IKBKB: variants seen among roughly 807,000 people sequenced by gnomAD.
The protein encoded by IKBKB is inhibitor of nuclear factor kappa B kinase subunit beta.
Under a neutral mutation model 113.6 loss-of-function variants are expected in IKBKB, and 42 were observed. The observed-to-expected ratio is 0.37, with a 90% CI of 0.29 to 0.48. The LOEUF (loss-of-function observed/expected upper bound fraction) is 0.48. IKBKB is among the 20% of genes least tolerant of loss of function. The pLI, the probability that IKBKB is intolerant of heterozygous loss-of-function variation, is 0.99. For missense variants in IKBKB, 673 were observed against 939.7 expected, an observed-to-expected ratio of 0.72 and a Z score of 3.71; for synonymous variants, 296 against 361.3, an observed-to-expected ratio of 0.82 and a Z score of 2.05.
At chr8:42,328,190 G>A (rs778497156) in intron 20 of IKBKB, among the ~76,000 whole-genome samples, 9 of 143,766 alleles carry the variant, frequency 6.3e-5, no homozygotes, top group East Asian at 2.1e-4. Flanking sequence ...TGGGTGATCC[G>A]CCCGCCTTGG....
In IKBKB at chr8:42,305,105, C is replaced by T. The variant is rs114191796; in HGVS notation, c.389-82C>T. 8.9e-5 allele frequency: 80 copies of T among 897,522 alleles called. No homozygotes were observed. In the African/African-American group the frequency reaches 1.2e-3, roughly 13 times the overall value. The allele number at this position is 897,522 out of a possible 1,614,324, so 55.6% of individuals were successfully genotyped here. On this transcript the variant is annotated intron_variant, in intron 5 of 21. Transcript: ENST00000520810. The stretch of plus-strand genomic sequence containing the variant: ...CAGAGTATGTTTCAGGGGCATGCGG[C>T]ATTTATCTTTTGCAGGATAGGAGAT...
intron 2 of IKBKB, among the ~76,000 whole-genome samples, chr8:42,286,904 C>T (rs1237056499): frequency 6.6e-6 from 1 of 152,124 alleles, no homozygotes; most frequent in Non-Finnish European, 1.5e-5. Context: ...TGGCTCTTGC[C>T]CAGGTGTGTG....
At position 42,316,360 on chromosome 8, in the gene IKBKB, G is replaced by C. The variant is rs766305242; in HGVS notation, c.930+21G>C. 1.2e-6 allele frequency: 2 copies of C among 1,613,910 alleles called. No individual in the cohort carries two copies. Among genetic ancestry groups the C allele is most frequent in the Non-Finnish European group, 1.7e-6 (2 of 1,179,868 alleles). On this transcript the variant is annotated intron_variant, in intron 10 of 21. Transcript: ENST00000520810. The surrounding 1 kb of genome is among the most constrained non-coding windows in gnomAD (Gnocchi z 4.5). ...TAAAGGTGAGTGTGGAGCCAAGTTA[G>C]CCCTGAGGCAAAAGCTGGGGTCCCC...
At chr8:42,298,275 C>T in intron 5 of IKBKB, 1 of 985,408 alleles carries the variant, frequency 1.0e-6, no homozygotes, top group Middle Eastern at 5.2e-4. Context: ...AGATTGGAAT[C>T]AGCCTTTCCT....
At chr8:42,307,608 G>A (rs1816794006) in intron 7 of IKBKB, among the ~76,000 whole-genome samples, 1 of 152,174 alleles carries the variant, frequency 6.6e-6, no homozygotes, top group South Asian at 2.1e-4. Context: ...AATTGGGAGT[G>A]ACTCAAGGAG....
At chr8:42,277,264 C>A (rs1809368630) in intron 2 of IKBKB, among the ~76,000 whole-genome samples, 1 of 149,334 alleles carries the variant, frequency 6.7e-6, no homozygotes. Context: ...CTCACTGCAA[C>A]CTCTGCCTCC....
intron 5 of IKBKB, among the ~76,000 whole-genome samples, chr8:42,300,205 C>G (rs964019032): frequency 6.6e-6 from 1 of 152,174 alleles, no homozygotes; most frequent in South Asian, 2.1e-4. Context: ...AGCTGGCCTT[C>G]AAGTCTGTTT....
chr8:42,330,716 G>A (rs1442603571), intron 21 of IKBKB, 198 bp from the exon 22 acceptor site: 1 of 603,274 alleles, frequency 1.7e-6, no homozygotes, highest in Non-Finnish European at 2.1e-6. Context: ...CACCATTTTG[G>A]CCAGGCTGGT....
chr8:42,304,693 A>ATAG (rs908230131), intron 5 of IKBKB, among the ~76,000 whole-genome samples: 16 of 152,220 alleles, frequency 1.1e-4, no homozygotes, highest in African/African-American at 3.6e-4. Context: ...TCATATGACC[A>ATAG]TAGGACTCTG....
At chr8:42,277,391 C>G (rs1288021577) in intron 2 of IKBKB, among the ~76,000 whole-genome samples, 1 of 151,798 alleles carries the variant, frequency 6.6e-6, no homozygotes, top group African/African-American at 2.4e-5. Context: ...CCATGCTGGC[C>G]AGGCTGTTCT....
intron 5 of IKBKB, among the ~76,000 whole-genome samples, chr8:42,294,638 GC>G (rs1383771927): frequency 2.0e-5 from 3 of 152,214 alleles, no homozygotes; most frequent in Non-Finnish European, 1.5e-5. Context: ...TTCCCATCTT[GC>G]TCTGTGCTGT....
intron 11 of IKBKB, 118 bp downstream of exon 11, chr8:42,317,022 G>A (rs574880924): frequency 1.2e-5 from 12 of 986,526 alleles, no homozygotes; most frequent in Middle Eastern, 4.1e-4. Context: ...CACACAGTGC[G>A]GATACCTGGC....
At chr8:42,328,951 A>G (rs17875727) in intron 20 of IKBKB, among the ~76,000 whole-genome samples, 173 bp from the exon 21 acceptor site, 27 of 152,368 alleles carry the variant, frequency 1.8e-4, no homozygotes, top group African/African-American at 6.3e-4. Flanking sequence ...GTGCATAACA[A>G]GATGAATGAA....
chr8:42,311,272 A>G (rs1817640342), intron 8 of IKBKB, among the ~76,000 whole-genome samples: 1 of 152,212 alleles, frequency 6.6e-6, no homozygotes, highest in African/African-American at 2.4e-5. Flanking sequence ...TGTTTATAAG[A>G]ATAAAGTGGG....
intron 4 of IKBKB, among the ~76,000 whole-genome samples, chr8:42,292,460 C>T (rs1027833928): frequency 1.3e-5 from 2 of 152,206 alleles, no homozygotes; most frequent in African/African-American, 4.8e-5. Flanking sequence ...TGGGGGAGGA[C>T]ACTGTTGCCC....
intron 2 of IKBKB, among the ~76,000 whole-genome samples, chr8:42,283,509 G>A (rs959874454): frequency 2.0e-5 from 3 of 152,222 alleles, no homozygotes; most frequent in Non-Finnish European, 2.9e-5. Flanking sequence ...AGGGTCAGCC[G>A]ATGCATGTGA....
At chr8:42,304,769 A>C (rs1275235899) in intron 5 of IKBKB, among the ~76,000 whole-genome samples, 1 of 152,192 alleles carries the variant, frequency 6.6e-6, no homozygotes, top group African/African-American at 2.4e-5. Flanking sequence ...TAGACCAAAG[A>C]AACTTCCCTT....
chr8:42,303,066 AGAGAGAGAGAGAGAGAGAGAGAGAAT>A (rs1012740982), intron 5 of IKBKB, among the ~76,000 whole-genome samples: 5 of 134,868 alleles, frequency 3.7e-5, no homozygotes, highest in African/African-American at 1.2e-4. Flanking sequence ...AGAGGGAGAG[AGAGAGAGAGAGAGAGAGAGAGAGAAT>A]GAGAGAGAGA....
chr8:42,327,804 G>GTTTTTTTTTTTT (rs1821069539), intron 20 of IKBKB, among the ~76,000 whole-genome samples: 5 of 14,826 alleles, frequency 3.4e-4, no homozygotes, highest in African/African-American at 5.4e-4. Context: ...GGCTAATTTT[G>GTTTTTTTTTTTT]TATTTTTTTT....
Sources: allele counts gnomAD v4.1 joint callset (sites outside exome capture counted in the v4.1 genomes callset), GRCh38; gene constraint gnomAD v4.1.1; non-coding constraint Gnocchi (gnomAD v3.1); transcripts MANE v1.5; gene names NCBI Gene and HGNC (gene_info 2026-07-23, HGNC 2026-07-21).